CFAP299: variants seen among roughly 807,000 people sequenced by gnomAD.
The protein encoded by CFAP299 is cilia- and flagella-associated protein 299.
In CFAP299, 21 loss-of-function variants were observed where a neutral mutation model predicts 27.0. The ratio of observed to expected loss-of-function variants is 0.78; its 90% CI spans 0.55 to 1.12. CFAP299 has a LOEUF of 1.12. Among genes scored for constraint, CFAP299 ranks in the 50% most tolerant of loss-of-function variants. The probability of loss-of-function intolerance (pLI) is 0.00; values close to 1 mark genes in which losing one functional copy is unlikely to be tolerated. For missense variants in CFAP299, 310 were observed against 276.6 expected, an observed-to-expected ratio of 1.12 and a Z score of -0.86; for synonymous variants, 104 against 98.1, an observed-to-expected ratio of 1.06 and a Z score of -0.36.
At chr4:80,741,653 G>C (rs187533152) in intron 3 of CFAP299, among the ~76,000 whole-genome samples, 8 of 152,242 alleles carry the variant, frequency 5.3e-5, no homozygotes, top group Non-Finnish European at 7.4e-5. Context: ...CCTTGGGTTG[G>C]GGGGAGGGAT....
At chr4:80,478,814 T>C (rs1381195425) in intron 2 of CFAP299, among the ~76,000 whole-genome samples, 1 of 151,016 alleles carries the variant, frequency 6.6e-6, no homozygotes, top group Non-Finnish European at 1.5e-5. Flanking sequence ...TCGTATTTGG[T>C]GTGGGGAGGG....
At chr4:80,579,982 G>A (rs1258591159) in intron 2 of CFAP299, among the ~76,000 whole-genome samples, 1 of 152,030 alleles carries the variant, frequency 6.6e-6, no homozygotes, top group Non-Finnish European at 1.5e-5. Context: ...GTGGGAGTAG[G>A]AAGTAGACAT....
At chr4:80,386,114 C>G (rs1724963419) in intron 2 of CFAP299, 2 of 475,716 alleles carry the variant, frequency 4.2e-6, no homozygotes, top group Non-Finnish European at 7.4e-6. Context: ...CCAGTCTGCC[C>G]CCAGGGAGCC....
chr4:80,844,605 G>T (rs1415067336), intron 3 of CFAP299, among the ~76,000 whole-genome samples: 3 of 151,906 alleles, frequency 2.0e-5, no homozygotes, highest in African/African-American at 7.3e-5. Flanking sequence ...GGGGTTGTTT[G>T]TTTTTTTCTT....
chr4:80,629,210 C>G (rs1739078875), intron 3 of CFAP299, among the ~76,000 whole-genome samples: 1 of 152,050 alleles, frequency 6.6e-6, no homozygotes, highest in Non-Finnish European at 1.5e-5. Flanking sequence ...AGGCGGGGCA[C>G]AGAAAGACAA....
chr4:80,385,781 G>C (rs553179967), intron 2 of CFAP299, among the ~76,000 whole-genome samples: 2 of 152,344 alleles, frequency 1.3e-5, no homozygotes, highest in African/African-American at 4.8e-5. Flanking sequence ...TTTATGGCAG[G>C]CTTCCTGAAG....
chr4:80,349,441 A>G (rs1722914885), intron 1 of CFAP299, among the ~76,000 whole-genome samples: 1 of 152,202 alleles, frequency 6.6e-6, no homozygotes, highest in Non-Finnish European at 1.5e-5. Flanking sequence ...AAATTAGCAC[A>G]AATAAAGGAT....
At chr4:80,747,975 A>T (rs768487479) in intron 3 of CFAP299, among the ~76,000 whole-genome samples, 3 of 152,040 alleles carry the variant, frequency 2.0e-5, no homozygotes, top group African/African-American at 7.2e-5. Context: ...TACAAACCCA[A>T]TTGGCTAAGT....
intron 2 of CFAP299, among the ~76,000 whole-genome samples, chr4:80,475,638 G>C (rs1415418547): frequency 6.6e-6 from 1 of 152,142 alleles, no homozygotes; most frequent in East Asian, 1.9e-4. Flanking sequence ...TTAAAACCAA[G>C]GTAGCTTATG....
At chr4:80,917,868 T>C (rs1268516856) in intron 4 of CFAP299, among the ~76,000 whole-genome samples, 1 of 152,206 alleles carries the variant, frequency 6.6e-6, no homozygotes, top group Non-Finnish European at 1.5e-5. Flanking sequence ...GCTTCTCTAA[T>C]TATTAAGCGA....
chr4:80,835,148 G>A (rs1021920118), intron 3 of CFAP299, among the ~76,000 whole-genome samples: 1 of 151,892 alleles, frequency 6.6e-6, no homozygotes, highest in East Asian at 1.9e-4. Flanking sequence ...ATGGAGTCTC[G>A]CTCTGTCGCC....
chr4:80,713,962 C>G (rs1042396103), intron 3 of CFAP299, among the ~76,000 whole-genome samples: 1 of 151,870 alleles, frequency 6.6e-6, no homozygotes, highest in African/African-American at 2.4e-5. Flanking sequence ...CTGCTGATGC[C>G]CAAGTAGAAG....
intron 3 of CFAP299, among the ~76,000 whole-genome samples, chr4:80,862,689 G>A (rs1439028355): frequency 6.6e-6 from 1 of 152,118 alleles, no homozygotes; most frequent in Non-Finnish European, 1.5e-5. Flanking sequence ...TGGCCAACAG[G>A]ATGTGGAAAA....
intron 2 of CFAP299, among the ~76,000 whole-genome samples, chr4:80,442,984 CAGG>C (rs917558356): frequency 2.0e-5 from 3 of 152,050 alleles, no homozygotes; most frequent in Non-Finnish European, 4.4e-5. Flanking sequence ...AAGACTAAAC[CAGG>C]AGAAGTCGAA....
chr4:80,725,598 C>G (rs141561212), intron 3 of CFAP299, among the ~76,000 whole-genome samples: 118 of 152,296 alleles, frequency 7.7e-4, no homozygotes, highest in African/African-American at 2.6e-3. Context: ...CAGATTCTTT[C>G]TCTTCACAGG....
At chr4:80,414,870 A>T (rs1726923724) in intron 2 of CFAP299, among the ~76,000 whole-genome samples, 2 of 152,220 alleles carry the variant, frequency 1.3e-5, no homozygotes, top group Non-Finnish European at 2.9e-5. Flanking sequence ...ATATTGACAA[A>T]TGTATTTTAT....
At chr4:80,691,017 C>A (rs200701634) in intron 3 of CFAP299, among the ~76,000 whole-genome samples, 83,935 of 138,060 alleles carry the variant, frequency 0.61, 29,124 homozygotes, top group Non-Finnish European at 0.77. Flanking sequence ...TCTGAATAGA[C>A]CAATAACAGG....
At chr4:80,375,169 A>G (rs1724340859) in intron 2 of CFAP299, among the ~76,000 whole-genome samples, 1 of 152,166 alleles carries the variant, frequency 6.6e-6, no homozygotes, top group African/African-American at 2.4e-5. Context: ...GAAGGGACAT[A>G]TTGTGTGAAA....
intron 4 of CFAP299, among the ~76,000 whole-genome samples, chr4:80,902,584 T>TAC (rs1273685186): frequency 3.5e-3 from 165 of 47,160 alleles, no homozygotes; most frequent in African/African-American, 7.9e-3. Flanking sequence ...ATATGTAATA[T>TAC]ATACACACAC....
Sources: gnomAD v4.1 joint callset for allele counts (sites outside exome capture counted in the v4.1 genomes callset) on GRCh38, gnomAD v4.1.1 for gene constraint, MANE v1.5 for transcripts, NCBI Gene and HGNC (gene_info 2026-07-23, HGNC 2026-07-21) for gene names.